The following CPLANE1 variants were observed in gnomAD, a reference collection of about 807,000 sequenced individuals.
CPLANE1 encodes the protein ciliogenesis and planar polarity effector complex subunit 1, also known as ciliogenesis and planar polarity effector 1.
CPLANE1 carries 263 observed loss-of-function variants against 362.5 expected under a neutral mutation model. That is an observed-to-expected ratio of 0.73 (90% CI 0.66 to 0.80). The LOEUF is 0.80. Among genes scored for constraint, CPLANE1 ranks in the 30% least tolerant of loss-of-function variants. The pLI, the probability that CPLANE1 is intolerant of heterozygous loss-of-function variation, is 0.00. For synonymous variants in CPLANE1, 1,212 were observed against 1,302.6 expected (o/e 0.93, Z 1.50); for missense variants, 3,461 against 3,793.4 (o/e 0.91, Z 2.30).
In CPLANE1 at chr5:37,114,985, C is replaced by T. The variant is rs572694714; in HGVS notation, c.9375G>A (p.Thr3125=). 37 of 1,610,204 alleles carry T rather than the reference C, an allele frequency of 2.3e-5. No individual in the cohort carries two copies. The highest frequency in any genetic ancestry group is 1.3e-4 in the East Asian group (6 of 44,886). Residue 3125 remains threonine (T), a synonymous_variant, in exon 51 of 53, where the codon ACG becomes ACA. Transcript: ENST00000651892. The part of the protein sequence containing the change: ...GGAKAAVRKA[T]QSPVTFQKGS... ...CTTTTTGGAAGGTAACTGGAGACTG[C>T]GTAGCCTTTCTTACTGCTGCTTTGG... is the stretch of plus-strand genomic sequence containing the variant.
chr5:37,221,121 A>C (rs1219823474), intron 15 of CPLANE1, among the ~76,000 whole-genome samples: 4 of 152,224 alleles, frequency 2.6e-5, no homozygotes, highest in Non-Finnish European at 4.4e-5. Flanking sequence ...GAGGTAGAAC[A>C]ACCAACTTTT....
At chr5:37,199,069 C>G (rs1788405656) in intron 19 of CPLANE1, among the ~76,000 whole-genome samples, 1 of 144,248 alleles carries the variant, frequency 6.9e-6, no homozygotes, top group Non-Finnish European at 1.5e-5. Context: ...TGCACTCAAG[C>G]CTGGGCCACA....
At chr5:37,121,873 A>G in intron 48 of CPLANE1, 89 bp from the exon 49 acceptor site, 1 of 1,055,256 alleles carries the variant, frequency 9.5e-7, no homozygotes. Flanking sequence ...ATCACCTAGC[A>G]TGTTCTGGTT....
chr5:37,218,690 G>A (rs1022837800), intron 15 of CPLANE1, among the ~76,000 whole-genome samples: 6 of 152,162 alleles, frequency 3.9e-5, no homozygotes, highest in Non-Finnish European at 7.4e-5. Flanking sequence ...GCTCACGCTT[G>A]TAATCCCAGC....
intron 13 of CPLANE1, 24 bp downstream of exon 13, chr5:37,224,508 A>G (rs1796027518): frequency 6.8e-7 from 1 of 1,472,550 alleles, no homozygotes; most frequent in African/African-American, 1.4e-5. Flanking sequence ...TCATGGAGTT[A>G]GAAAATATTC....
Position 37,120,345 on chromosome 5 carries a change from A to G in CPLANE1, c.9186-5T>C. On this transcript the variant is annotated splice_region_variant and splice_polypyrimidine_tract_variant and intron_variant, in intron 49 of 52. Coordinates refer to ENST00000651892, the MANE Select transcript of CPLANE1 (RefSeq NM_001384732.1). Reference sequence around the variant, plus strand: ...CTGTGACCATGTTGATTCTCTCTATAGTAGAAATCACATAATTATTACATT... The same window carrying G: ...CTGTGACCATGTTGATTCTCTCTATGGTAGAAATCACATAATTATTACATT... The G allele has an allele frequency of 6.4e-7, 1 of 1,555,320 alleles. No individual in the cohort carries two copies. The highest frequency in any genetic ancestry group is 8.6e-7 in the Non-Finnish European group (1 of 1,159,026).
the CPLANE1 span, among the ~76,000 whole-genome samples, chr5:37,077,665 G>A: frequency 6.9e-6 from 1 of 144,290 alleles, no homozygotes; most frequent in African/African-American, 2.6e-5. Flanking sequence ...CCAGGCTGGG[G>A]TGAAGTGGCA....
At chr5:37,236,616 T>C (rs530574214) in intron 8 of CPLANE1, among the ~76,000 whole-genome samples, 20 of 151,538 alleles carry the variant, frequency 1.3e-4, no homozygotes, top group African/African-American at 4.1e-4. Context: ...AAAGACACAA[T>C]TGAAGTAAAA....
chr5:37,085,582 C>A, the CPLANE1 span: 1 of 858,494 alleles, frequency 1.2e-6, no homozygotes. Context: ...AAGTTCAACA[C>A]TGGTACACTG....
intron 46 of CPLANE1, among the ~76,000 whole-genome samples, chr5:37,126,075 T>TA (rs938408993): frequency 6.5e-4 from 97 of 149,850 alleles, no homozygotes; most frequent in African/African-American, 2.2e-3. Context: ...TCATCTCTAT[T>TA]AAAAAAAAAA....
chr5:37,198,131 T>C (rs1272297597), intron 20 of CPLANE1, among the ~76,000 whole-genome samples: 1 of 152,186 alleles, frequency 6.6e-6, no homozygotes, highest in African/African-American at 2.4e-5. Context: ...GATTTTCAGC[T>C]AGATAAAAAG....
intron 12 of CPLANE1, among the ~76,000 whole-genome samples, chr5:37,225,931 T>C (rs1031669156): frequency 1.3e-5 from 2 of 151,950 alleles, no homozygotes; most frequent in Non-Finnish European, 2.9e-5. Flanking sequence ...ATCATGGTTT[T>C]CCGAGACTAA....
intron 8 of CPLANE1, among the ~76,000 whole-genome samples, chr5:37,238,069 C>A (rs1799408484): frequency 6.6e-6 from 1 of 152,136 alleles, no homozygotes; most frequent in Non-Finnish European, 1.5e-5. Context: ...GTAGTCCCAG[C>A]TACTCAGAAG....
intron 8 of CPLANE1, among the ~76,000 whole-genome samples, chr5:37,235,556 T>C (rs1165248880): frequency 1.1e-4 from 16 of 148,922 alleles, no homozygotes; most frequent in Non-Finnish European, 1.5e-5. Flanking sequence ...AGGTATCATA[T>C]TATCTAATTT....
chr5:37,208,442 C>G (rs575096981), intron 16 of CPLANE1, among the ~76,000 whole-genome samples: 1 of 152,182 alleles, frequency 6.6e-6, no homozygotes, highest in African/African-American at 2.4e-5. Flanking sequence ...CTTTGGGAGG[C>G]CGAGGTGAGC....
Position 37,183,230 on chromosome 5 carries a change from C to T in CPLANE1, c.4951G>A (p.Val1651Ile). 1 of 1,611,990 alleles carries T rather than the reference C, an allele frequency of 6.2e-7. No homozygotes were observed. The highest frequency in any genetic ancestry group is 8.5e-7 in the Non-Finnish European group (1 of 1,179,232). The change falls in exon 26 of 53, where the codon GTA becomes ATA. Residue 1651 changes from valine (V) to isoleucine (I), a missense_variant. By Grantham distance (29) the Val-to-Ile change is conservative (BLOSUM62 3). Around this residue, in one of 2 missense-constraint regions of CPLANE1, gnomAD observed 3,380 missense variants for 3,666.1 expected, o/e 0.92. Coordinates refer to ENST00000651892, the MANE Select transcript of CPLANE1 (RefSeq NM_001384732.1). ...HLENQKLSSSVLVNQGIKPFL... is the reference protein window; with the variant it reads ...HLENQKLSSSILVNQGIKPFL... Reference sequence around the variant, plus strand: ...GGTTTGATCCCTTGATTAACCAGTACTGATGATGAAAGTTTCTGGTTTTCT... The same window carrying T: ...GGTTTGATCCCTTGATTAACCAGTATTGATGATGAAAGTTTCTGGTTTTCT...
rs751890710 is a variant in CPLANE1 at position 37,183,416 on chromosome 5, G to A, written c.4765C>T (p.Leu1589Phe). 11 of 1,613,448 alleles carry A rather than the reference G, an allele frequency of 6.8e-6. No individual in the cohort carries two copies. The highest frequency in any genetic ancestry group is 1.3e-5 in the African/African-American group (1 of 74,880). Residue 1589 changes from leucine (L) to phenylalanine (F), a missense_variant, in exon 26 of 53, where the codon CTT (leucine) becomes TTT (phenylalanine). Physicochemically the swap from Leu to Phe is conservative, Grantham distance 22. This residue lies in a region of CPLANE1 where 3,380 missense variants were observed against 3,666.1 expected (regional missense o/e 0.92). Coordinates refer to ENST00000651892, the MANE Select transcript of CPLANE1 (RefSeq NM_001384732.1). ...TGTACATCAAAAAGTAAAGAATTAAGTTCATGTTCTCTAAGCTTTCCAGAA... is the reference window on the plus strand; with the variant it reads ...TGTACATCAAAAAGTAAAGAATTAAATTCATGTTCTCTAAGCTTTCCAGAA... ...SFSGKLREHE[L>F]NSLLFDVHTT... is the part of the protein sequence containing the mutation.
chr5:37,244,691 T>TA (rs527629093), intron 4 of CPLANE1, 84 bp from the exon 5 acceptor site: 23,334 of 626,548 alleles, frequency 0.037, no homozygotes, highest in South Asian at 0.049. Flanking sequence ...ATTCTTACAA[T>TA]AAAAAAAAAA....
At chr5:37,214,347 C>T (rs1793449199) in intron 15 of CPLANE1, among the ~76,000 whole-genome samples, 1 of 152,000 alleles carries the variant, frequency 6.6e-6, no homozygotes, top group Non-Finnish European at 1.5e-5. Flanking sequence ...TGGTTGTGCG[C>T]ACCTATAGTC....
Sources: allele counts gnomAD v4.1 joint callset (sites outside exome capture counted in the v4.1 genomes callset), GRCh38; gene constraint gnomAD v4.1.1; regional missense constraint gnomAD v4.1.1; transcripts MANE v1.5; gene names NCBI Gene and HGNC (gene_info 2026-07-23, HGNC 2026-07-21).